ARHGAP10: variants seen among roughly 807,000 people sequenced by gnomAD.
ARHGAP10 encodes rho GTPase-activating protein 10.
In ARHGAP10, 87 loss-of-function variants were observed where a neutral mutation model predicts 108.6. The observed-to-expected ratio is 0.80, with a 90% CI of 0.67 to 0.96. ARHGAP10 has a LOEUF of 0.96. Among genes scored for constraint, ARHGAP10 ranks in the 40% least tolerant of loss-of-function variants. ARHGAP10 has a pLI of 0.00. For missense variants in ARHGAP10, 939 were observed against 954.5 expected, an observed-to-expected ratio of 0.98 and a Z score of 0.21; for synonymous variants, 347 against 341.1, an observed-to-expected ratio of 1.02 and a Z score of -0.19.
In ARHGAP10 at chr4:147,822,790, G is replaced by A. The variant is rs1413060119; in HGVS notation, c.218G>A (p.Gly73Asp). The A allele has an allele frequency of 6.2e-7, 1 of 1,614,108 alleles. No homozygotes were observed. Among genetic ancestry groups the A allele is most frequent in the Admixed American group, 1.7e-5 (1 of 60,000 alleles). Residue 73 changes from glycine (G) to aspartate (D), a missense_variant, in exon 2 of 23, where the codon GGT becomes GAT. By Grantham distance (94) the Gly-to-Asp change is moderately conservative. Transcript: ENST00000336498. ...SLRDFKFEFI[G>D]DAVTDDERCI... ...AGAGACTTTAAGTTTGAGTTTATCG[G>A]TGATGCTGTGACAGATGATGAACGA...
chr4:147,953,318 A>G (rs1738677963), intron 15 of ARHGAP10, among the ~76,000 whole-genome samples: 1 of 151,990 alleles, frequency 6.6e-6, no homozygotes, highest in Non-Finnish European at 1.5e-5. Context: ...CTTCTATTTT[A>G]TGGAAGAATT....
At position 147,879,212 on chromosome 4, in the gene ARHGAP10, G is replaced by A; in HGVS notation, c.833-20G>A. ...GCTTATTTATGAGGGAAAATATAAA[G>A]GGCTGTTTTTTTGTTGAAGGGCCTG... On this transcript the variant is annotated intron_variant, in intron 8 of 22. Coordinates refer to ENST00000336498, the MANE Select transcript of ARHGAP10 (RefSeq NM_024605.4). 1.3e-6 allele frequency: 2 copies of A among 1,599,086 alleles called. No individual in the cohort carries two copies. Among genetic ancestry groups the A allele is most frequent in the Non-Finnish European group, 1.7e-6 (2 of 1,171,488 alleles).
chr4:147,868,992 C>A (rs1354929147), intron 7 of ARHGAP10, among the ~76,000 whole-genome samples: 1 of 152,134 alleles, frequency 6.6e-6, no homozygotes, highest in Non-Finnish European at 1.5e-5. Flanking sequence ...GCTATATAAT[C>A]TGTGGAAATT....
chr4:148,039,382 T>C, intron 19 of ARHGAP10, among the ~76,000 whole-genome samples: 1 of 140,860 alleles, frequency 7.1e-6, no homozygotes, highest in South Asian at 2.4e-4. Flanking sequence ...TTTTTTTTTT[T>C]TTTTTTTTTT....
Position 147,792,387 on chromosome 4 carries a change from T to C in ARHGAP10, c.155-30340T>C, listed in dbSNP as rs1441328526. ...GTCCTCTTCCTTCCCTCCTTCTTTA[T>C]TGGTGACAGGGACTCAGGTTCAGAG... On this transcript the variant is annotated intron_variant, in intron 1 of 22. Transcript: ENST00000336498. Among the ~76,000 whole-genome samples, 7 of 152,336 alleles carry C rather than the reference T, an allele frequency of 4.6e-5. No individual in the cohort carries two copies. The East Asian group carries it at 9.6e-4, about 21-fold the overall frequency.
At chr4:147,905,004 G>A (rs1433341376) in intron 10 of ARHGAP10, among the ~76,000 whole-genome samples, 2 of 152,078 alleles carry the variant, frequency 1.3e-5, no homozygotes, top group Non-Finnish European at 2.9e-5. Context: ...ATTTTTTCAT[G>A]TGTTTTTTGG....
intron 20 of ARHGAP10, among the ~76,000 whole-genome samples, chr4:148,062,097 G>T (rs138384850): frequency 6.6e-6 from 1 of 152,180 alleles, no homozygotes; most frequent in African/African-American, 2.4e-5. Flanking sequence ...CTGCTGGGGC[G>T]GGACGGCCCC....
chr4:147,841,551 C>T (rs1426074720), intron 3 of ARHGAP10, among the ~76,000 whole-genome samples: 2 of 152,096 alleles, frequency 1.3e-5, no homozygotes, highest in Non-Finnish European at 2.9e-5. Context: ...CATTAGGAAA[C>T]ATCAGTAACA....
Position 148,023,262 on chromosome 4 carries a change from G to T in ARHGAP10, c.1717-1G>T, listed in dbSNP as rs1426033373. On this transcript the variant is annotated splice_acceptor_variant, in intron 18 of 22. Coordinates refer to ENST00000336498, the MANE Select transcript of ARHGAP10 (RefSeq NM_024605.4). LOFTEE classifies it high-confidence loss of function. ...TCCTGTCCTTTATGCTTTGTTGGAA[G>T]ATTTTTCGGACGCCGCCCGATACTA... 6.2e-7 allele frequency: 1 copy of T among 1,613,876 alleles called. No homozygotes were observed. The highest frequency in any genetic ancestry group is 1.7e-5 in the Admixed American group (1 of 60,010).
Position 147,866,916 on chromosome 4 carries a change from C to A in ARHGAP10, c.702+100C>A, listed in dbSNP as rs1026560267. On this transcript the variant is annotated intron_variant, in intron 7 of 22. Coordinates refer to ENST00000336498, the MANE Select transcript of ARHGAP10 (RefSeq NM_024605.4). ...TTAATTAAATGAAGACAATGCTGATCTGTTTGTACTGAGAAACTGAGGGTA... is the reference window on the plus strand; with the variant it reads ...TTAATTAAATGAAGACAATGCTGATATGTTTGTACTGAGAAACTGAGGGTA... 1.0e-5 allele frequency: 10 copies of A among 984,070 alleles called. No individual in the cohort carries two copies. In the East Asian group the frequency reaches 1.6e-4, roughly 16 times the overall value. The allele number at this position is 984,070 out of a possible 1,614,324, so 61.0% of individuals were successfully genotyped here. A position where few individuals can be genotyped will look rare whatever the true frequency, so the allele number is the denominator to read the frequency against.
At chr4:147,881,625 G>C (rs1735330777) in intron 9 of ARHGAP10, among the ~76,000 whole-genome samples, 1 of 152,188 alleles carries the variant, frequency 6.6e-6, no homozygotes, top group South Asian at 2.1e-4. Context: ...GTGAAAGAGC[G>C]AGGCTCCCTT....
At chr4:147,882,921 T>C (rs1735388816) in intron 10 of ARHGAP10, among the ~76,000 whole-genome samples, 1 of 152,228 alleles carries the variant, frequency 6.6e-6, no homozygotes, top group Admixed American at 6.5e-5. Flanking sequence ...TTGGCAGTGA[T>C]AGTTTTTAGG....
At chr4:147,896,972 T>G (rs1736018297) in intron 10 of ARHGAP10, among the ~76,000 whole-genome samples, 1 of 152,088 alleles carries the variant, frequency 6.6e-6, no homozygotes, top group Non-Finnish European at 1.5e-5. Context: ...AGTCTATCAA[T>G]ATGTATTGAA....
At chr4:148,024,509 T>G (rs1050789415) in intron 19 of ARHGAP10, among the ~76,000 whole-genome samples, 1 of 152,156 alleles carries the variant, frequency 6.6e-6, no homozygotes, top group Non-Finnish European at 1.5e-5. Flanking sequence ...GACTTAGAGG[T>G]ATCTCTAGGA....
At position 148,047,063 on chromosome 4, in the gene ARHGAP10, T is replaced by C. The variant is rs1210459664; in HGVS notation, c.2027+12T>C. The C allele has an allele frequency of 1.2e-6, 2 of 1,613,786 alleles. No homozygotes were observed. The highest frequency in any genetic ancestry group is 3.3e-5 in the Admixed American group (2 of 59,948). ...TGGGCATCCACTATGTAAGTAACCG[T>C]GCTTCTGTTGGGTGCTGAAGGGTGG... is the stretch of plus-strand genomic sequence containing the variant. On this transcript the variant is annotated intron_variant, in intron 20 of 22. Coordinates refer to ENST00000336498, the MANE Select transcript of ARHGAP10 (RefSeq NM_024605.4).
At chr4:147,879,514 T>C (rs2126869077) in intron 9 of ARHGAP10, among the ~76,000 whole-genome samples, 176 bp downstream of exon 9, 1 of 152,342 alleles carries the variant, frequency 6.6e-6, no homozygotes, top group African/African-American at 2.4e-5. Context: ...GAACAATATA[T>C]ATGTTTTCTG....
chr4:147,975,255 G>A (rs1739549870), intron 18 of ARHGAP10, among the ~76,000 whole-genome samples: 1 of 152,096 alleles, frequency 6.6e-6, no homozygotes, highest in Non-Finnish European at 1.5e-5. Context: ...TTGTTGAAAT[G>A]GCTGATGGCC....
chr4:148,000,496 G>A (rs896728756), intron 18 of ARHGAP10, among the ~76,000 whole-genome samples: 13 of 152,140 alleles, frequency 8.5e-5, no homozygotes, highest in Admixed American at 3.3e-4. Flanking sequence ...TTGAGGAATC[G>A]CCATACTGTC....
In ARHGAP10 at chr4:147,870,220, C is replaced by T. The variant is rs377481604; in HGVS notation, c.702+3404C>T. 5.3e-5 allele frequency among the ~76,000 whole-genome samples: 8 copies of T among 152,130 alleles called. No homozygotes were observed. In the South Asian group the frequency reaches 8.3e-4, roughly 16 times the overall value. On this transcript the variant is annotated intron_variant, in intron 7 of 22. Coordinates refer to ENST00000336498, the MANE Select transcript of ARHGAP10 (RefSeq NM_024605.4). ...CTGTAGTCCCACCTGCCACCATGCC[C>T]GGCTAATTTTTTTGTATTTTTTGAT...
Sources: allele counts gnomAD v4.1 joint callset (sites outside exome capture counted in the v4.1 genomes callset), GRCh38; gene constraint gnomAD v4.1.1; transcripts MANE v1.5; gene names NCBI Gene and HGNC (gene_info 2026-07-23, HGNC 2026-07-21).